Variants in TMEM41B observed in about 807,000 individuals in gnomAD.
The protein encoded by TMEM41B is transmembrane protein 41B.
A neutral mutation model predicts 31.9 loss-of-function variants in TMEM41B; 18 were observed. The ratio of observed to expected loss-of-function variants is 0.56; its 90% CI spans 0.39 to 0.84. The LOEUF is 0.84. Ranked by LOEUF, TMEM41B falls within the 40% of genes least tolerant of loss-of-function variation. TMEM41B has a pLI of 0.00. For synonymous variants in TMEM41B, 144 were observed against 124.3 expected (o/e 1.16, Z -1.05); for missense variants, 322 against 348.0 (o/e 0.93, Z 0.59).
chr11:9,305,590 A>G (rs1853370786), intron 1 of TMEM41B, among the ~76,000 whole-genome samples: 1 of 145,066 alleles, frequency 6.9e-6, no homozygotes, highest in African/African-American at 2.9e-5. Flanking sequence ...ACAGATATTA[A>G]TTATAGATGA....
At chr11:9,288,248 T>C (rs1009358568) in intron 4 of TMEM41B, among the ~76,000 whole-genome samples, 194 bp downstream of exon 4, 2 of 152,114 alleles carry the variant, frequency 1.3e-5, no homozygotes, top group African/African-American at 4.8e-5. Flanking sequence ...AGCTTATAAA[T>C]GCAACTAAGT....
At chr11:9,304,807 G>A (rs760877292) in intron 1 of TMEM41B, among the ~76,000 whole-genome samples, 21 of 152,056 alleles carry the variant, frequency 1.4e-4, no homozygotes, top group Non-Finnish European at 2.5e-4. Context: ...ACAGGCACAC[G>A]CCACCATGCC....
intron 1 of TMEM41B, among the ~76,000 whole-genome samples, chr11:9,301,211 C>T (rs1391296510): frequency 6.6e-6 from 1 of 151,534 alleles, no homozygotes; most frequent in African/African-American, 2.4e-5. Flanking sequence ...CTGGCTAACA[C>T]GGTGAACCCC....
At chr11:9,284,742 G>T (rs941681240) in intron 6 of TMEM41B, among the ~76,000 whole-genome samples, 1 of 145,946 alleles carries the variant, frequency 6.9e-6, no homozygotes, top group East Asian at 2.1e-4. Context: ...CAGCCTGGGC[G>T]ACAGAGAGAG....
intron 1 of TMEM41B, among the ~76,000 whole-genome samples, chr11:9,308,308 A>T (rs2133649043): frequency 6.6e-6 from 1 of 152,282 alleles, no homozygotes; most frequent in African/African-American, 2.4e-5. Context: ...ACGCCACTGC[A>T]CTCCAGCCTG....
rs537999266 is a variant in TMEM41B at position 9,307,615 on chromosome 11, T to C, written c.121+6706A>G. Among the ~76,000 whole-genome samples, 55 of 151,548 alleles carry C rather than the reference T, an allele frequency of 3.6e-4. 1 individual carries two copies. In the South Asian group the frequency reaches 0.011, roughly 31 times the overall value. On this transcript the variant is annotated intron_variant, in intron 1 of 6. Coordinates refer to ENST00000528080, the MANE Select transcript of TMEM41B (RefSeq NM_015012.4). ...GGGCCACCACGTCCGGCTAATTTTG[T>C]ATTTTTAGTAAAGATGGGGTTTCTC...
chr11:9,314,195 C>G (rs936525275), intron 1 of TMEM41B, 126 bp downstream of exon 1: 22 of 1,274,010 alleles, frequency 1.7e-5, no homozygotes, highest in Non-Finnish European at 2.0e-5. Flanking sequence ...GGTCTCTGCT[C>G]CCGCCGCGGC....
intron 1 of TMEM41B, among the ~76,000 whole-genome samples, chr11:9,303,650 C>CTTTTTTTTT (rs71062827): frequency 6.7e-5 from 7 of 104,808 alleles, no homozygotes; most frequent in Non-Finnish European, 9.3e-5. Context: ...TATTCTTTTT[C>CTTTTTTTTT]TTTTTTTTTT....
chr11:9,283,756 A>G (rs936118642), intron 6 of TMEM41B, among the ~76,000 whole-genome samples, 163 bp from the exon 7 acceptor site: 1 of 152,076 alleles, frequency 6.6e-6, no homozygotes. Context: ...TAAAGAATTC[A>G]ATCTTTCCTA....
intron 2 of TMEM41B, among the ~76,000 whole-genome samples, chr11:9,296,768 G>A (rs1026333031): frequency 6.6e-6 from 1 of 152,074 alleles, no homozygotes; most frequent in African/African-American, 2.4e-5. Flanking sequence ...ACATTTTCTT[G>A]AATACCACAG....
Position 9,280,835 on chromosome 11 carries a change from C to T in TMEM41B, c.*2589G>A, listed in dbSNP as rs1043805236. The T allele has an allele frequency of 5.9e-5, 9 of 152,214 alleles. No individual in the cohort carries two copies. Among genetic ancestry groups the T allele is most frequent in the Non-Finnish European group, 1.3e-4 (9 of 68,044 alleles). 9.4% of individuals were successfully genotyped at this position (152,214 alleles called of 1,614,324 possible). On this transcript the variant is annotated 3_prime_UTR_variant, in exon 7 of 7. Coordinates refer to ENST00000528080, the MANE Select transcript of TMEM41B (RefSeq NM_015012.4). ...CCTGCTTGCCTCCGCACCACAGATGCTTGTCTTCTTGTGGTTGTTACCACA... is the reference window on the plus strand; with the variant it reads ...CCTGCTTGCCTCCGCACCACAGATGTTTGTCTTCTTGTGGTTGTTACCACA...
chr11:9,289,549 G>A (rs72861360), intron 3 of TMEM41B, among the ~76,000 whole-genome samples: 22,867 of 151,792 alleles, frequency 0.15, 1,961 homozygotes, highest in Non-Finnish European at 0.2. Flanking sequence ...TCTTTCACAG[G>A]ATGCCTCCTC....
intron 1 of TMEM41B, among the ~76,000 whole-genome samples, chr11:9,313,731 A>G (rs1460880404): frequency 6.6e-6 from 1 of 152,150 alleles, no homozygotes; most frequent in Admixed American, 6.5e-5. Flanking sequence ...TTTTACGTGA[A>G]TTATTTCGTT....
rs1260657101 is a variant in TMEM41B at position 9,302,882 on chromosome 11, C to T, written c.122-3181G>A. ...CCTGAGCCAGAGTGGTGGTGGTGTA[C>T]ACCTATAGTCCCAACTACTCAAGAA... On this transcript the variant is annotated intron_variant, in intron 1 of 6. Coordinates refer to ENST00000528080, the MANE Select transcript of TMEM41B (RefSeq NM_015012.4). Among the ~76,000 whole-genome samples the T allele has an allele frequency of 2.0e-5, 2 of 99,972 alleles. 1 individual carries two copies. The highest frequency in any genetic ancestry group is 7.8e-5 in the African/African-American group (2 of 25,780). 65.6% of individuals were successfully genotyped at this position (99,972 alleles called of 152,430 possible). A position where few individuals can be genotyped will look rare whatever the true frequency, so the allele number is the denominator to read the frequency against.
intron 6 of TMEM41B, among the ~76,000 whole-genome samples, chr11:9,284,877 A>G (rs1852801630): frequency 1.3e-5 from 2 of 152,182 alleles, no homozygotes; most frequent in African/African-American, 4.8e-5. Context: ...GAATGATGAC[A>G]TTTCACTAAA....
intron 1 of TMEM41B, among the ~76,000 whole-genome samples, chr11:9,305,230 G>A (rs1853359594): frequency 6.6e-6 from 1 of 152,134 alleles, no homozygotes; most frequent in Non-Finnish European, 1.5e-5. Flanking sequence ...TGAGTTTTCT[G>A]TAGGCTGACA....
intron 1 of TMEM41B, among the ~76,000 whole-genome samples, chr11:9,310,041 A>ATT (rs1254741007): frequency 1.3e-5 from 2 of 148,380 alleles, no homozygotes; most frequent in African/African-American, 2.5e-5. Flanking sequence ...TATTATTATT[A>ATT]TTATTTTTTT....
At chr11:9,308,473 A>G (rs778882924) in intron 1 of TMEM41B, among the ~76,000 whole-genome samples, 12 of 152,064 alleles carry the variant, frequency 7.9e-5, no homozygotes, top group Admixed American at 4.6e-4. Context: ...TGGACTCTTC[A>G]TTCTCTTCCT....
At chr11:9,313,560 A>T (rs1037396487) in intron 1 of TMEM41B, among the ~76,000 whole-genome samples, 5 of 152,228 alleles carry the variant, frequency 3.3e-5, no homozygotes. Flanking sequence ...TTATAGAGGC[A>T]GTAGGAATAA....
Sources: gnomAD v4.1 joint callset for allele counts (sites outside exome capture counted in the v4.1 genomes callset) on GRCh38, gnomAD v4.1.1 for gene constraint, MANE v1.5 for transcripts, NCBI Gene and HGNC (gene_info 2026-07-23, HGNC 2026-07-21) for gene names.